EXPH5: variants seen among roughly 807,000 people sequenced by gnomAD.
EXPH5 encodes exophilin 5, also known as exophilin-5.
Under a neutral mutation model 41.1 loss-of-function variants are expected in EXPH5, and 42 were observed. The ratio of observed to expected loss-of-function variants is 1.02; its 90% CI spans 0.80 to 1.32. The LOEUF is 1.32. Ranked by LOEUF, EXPH5 falls within the 40% of genes most tolerant of loss-of-function variation. The pLI is 0.00. For synonymous variants in EXPH5, 798 were observed against 833.5 expected (o/e 0.96, Z 0.73); for missense variants, 2,298 against 2,314.5 (o/e 0.99, Z 0.15).
chr11:108,543,710 A>T (rs1160013890), intron 1 of EXPH5, among the ~76,000 whole-genome samples: 2 of 152,164 alleles, frequency 1.3e-5, no homozygotes, highest in Non-Finnish European at 2.9e-5. Context: ...TGGGGCTATG[A>T]TACTGCTATT....
intron 1 of EXPH5, among the ~76,000 whole-genome samples, chr11:108,590,528 C>A (rs1403922901): frequency 6.6e-6 from 1 of 152,168 alleles, no homozygotes; most frequent in African/African-American, 2.4e-5. Context: ...TCTATGTGTT[C>A]AGGAACTTTT....
chr11:108,595,564 A>G (rs2094137692), upstream of EXPH5, among the ~76,000 whole-genome samples: 1 of 152,214 alleles, frequency 6.6e-6, no homozygotes, highest in South Asian at 2.1e-4. Flanking sequence ...ATGTTCATGG[A>G]TTGTTAAGTG....
At chr11:108,539,773 T>G (rs977564117) in intron 2 of EXPH5, among the ~76,000 whole-genome samples, 1 of 151,826 alleles carries the variant, frequency 6.6e-6, no homozygotes, top group African/African-American at 2.4e-5. Flanking sequence ...CCAAAAAAAT[T>G]TGAGCACCAA....
At chr11:108,595,937 C>G (rs1208080667), upstream of EXPH5, among the ~76,000 whole-genome samples, 1 of 152,156 alleles carries the variant, frequency 6.6e-6, no homozygotes, top group Non-Finnish European at 1.5e-5. Flanking sequence ...CACAGTGGCT[C>G]ACATCTGTAG....
In EXPH5 at chr11:108,512,281, C is replaced by G. The variant is rs1235564701; in HGVS notation, c.3226G>C (p.Glu1076Gln). 1 of 1,613,274 alleles carries G rather than the reference C, an allele frequency of 6.2e-7. No homozygotes were observed. Among genetic ancestry groups the G allele is most frequent in the Non-Finnish European group, 8.5e-7 (1 of 1,179,818 alleles). The change falls in exon 6 of 6, where the codon GAG (glutamate) becomes CAG (glutamine). Residue 1076 changes from glutamate to glutamine, a missense_variant. Transcript: ENST00000265843. ...MLNKFSPSSP[E>Q]SANECSKVLS... ...ACTTTGGAACATTCATTCGCTGACT[C>G]AGGAGAACTGGGACTAAATTTGTTT...
chr11:108,532,941 T>A (rs1460632906), intron 3 of EXPH5, among the ~76,000 whole-genome samples: 1 of 152,230 alleles, frequency 6.6e-6, no homozygotes, highest in East Asian at 1.9e-4. Context: ...GTTTCTCTAC[T>A]TCCTTCTTGT....
In EXPH5 at chr11:108,532,358, ATATATATATTTTTTTTTTTTTTTT is replaced by A. The variant is rs1484828344; in HGVS notation, c.444-4198_444-4175del. 2.6e-4 allele frequency among the ~76,000 whole-genome samples: 5 copies of A among 19,008 alleles called. 1 individual carries two copies. Among genetic ancestry groups the A allele is most frequent in the Admixed American group, 1.5e-3 (2 of 1,318 alleles). 12.5% of individuals were successfully genotyped at this position (19,008 alleles called of 152,430 possible). On this transcript the variant is annotated intron_variant, in intron 3 of 5. Coordinates refer to ENST00000265843, the MANE Select transcript of EXPH5 (RefSeq NM_015065.3). ...ACACTGGATATATATATATATATAT[ATATATATATTTTTTTTTTTTTTTT>A]TTTTTTTTTTTTTGTAGAGATGGGG... is the stretch of plus-strand genomic sequence containing the variant.
chr11:108,529,779 G>A (rs2093825091), intron 3 of EXPH5, among the ~76,000 whole-genome samples: 1 of 151,858 alleles, frequency 6.6e-6, no homozygotes, highest in African/African-American at 2.4e-5. Flanking sequence ...GGGAGGCAGA[G>A]GTTGCAGTGA....
chr11:108,516,102 A>C (rs531427159), intron 5 of EXPH5, among the ~76,000 whole-genome samples: 221 of 151,786 alleles, frequency 1.5e-3, no homozygotes, highest in South Asian at 3.8e-3. Context: ...AGAAAAAAAA[A>C]CTCACTTTTC....
intron 1 of EXPH5, among the ~76,000 whole-genome samples, chr11:108,559,431 G>T (rs748751658): frequency 2.6e-5 from 4 of 152,200 alleles, no homozygotes; most frequent in Admixed American, 6.5e-5. Context: ...CCTCTTGCAA[G>T]TCTGGTATAC....
At chr11:108,560,325 T>TATTTCA (rs1555196971) in intron 1 of EXPH5, among the ~76,000 whole-genome samples, 5 of 152,232 alleles carry the variant, frequency 3.3e-5, no homozygotes, top group Non-Finnish European at 5.9e-5. Flanking sequence ...TTCAAAGAGT[T>TATTTCA]AACTTTTGAA....
chr11:108,580,760 A>G (rs536710194), intron 1 of EXPH5, among the ~76,000 whole-genome samples: 1 of 152,346 alleles, frequency 6.6e-6, no homozygotes, highest in African/African-American at 2.4e-5. Flanking sequence ...GGCAACATGG[A>G]TGAAACTGGA....
In EXPH5 at chr11:108,509,448, C is replaced by A. The variant is rs1271139338; in HGVS notation, c.*89G>T. 2 of 1,298,284 alleles carry A rather than the reference C, an allele frequency of 1.5e-6. No individual in the cohort carries two copies. The highest frequency in any genetic ancestry group is 1.6e-5 in the South Asian group (1 of 62,816). 80.4% of individuals were successfully genotyped at this position (1,298,284 alleles called of 1,614,324 possible). On this transcript the variant is annotated 3_prime_UTR_variant, in exon 6 of 6. Coordinates refer to ENST00000265843, the MANE Select transcript of EXPH5 (RefSeq NM_015065.3). ...AGAGCAGACACTGCCCAGACTAGAT[C>A]TTTTATCCTTCCATGCACATGCACA...
intron 3 of EXPH5, among the ~76,000 whole-genome samples, chr11:108,538,675 G>A (rs2093894665): frequency 6.6e-6 from 1 of 152,192 alleles, no homozygotes; most frequent in African/African-American, 2.4e-5. Flanking sequence ...ACTCTGCAAA[G>A]AAGGAGTAGT....
intron 1 of EXPH5, among the ~76,000 whole-genome samples, chr11:108,557,119 G>A (rs1002004394): frequency 2.0e-5 from 3 of 152,212 alleles, no homozygotes; most frequent in African/African-American, 7.2e-5. Context: ...TCTTTAGAGA[G>A]GCCCTCTGGC....
chr11:108,555,942 A>G (rs756601220), intron 1 of EXPH5, among the ~76,000 whole-genome samples: 9 of 152,194 alleles, frequency 5.9e-5, no homozygotes, highest in Non-Finnish European at 1.2e-4. Context: ...ACGGACGTAT[A>G]CAAGCCCCTA....
At chr11:108,591,784 C>T (rs940538322) in intron 1 of EXPH5, among the ~76,000 whole-genome samples, 2 of 152,070 alleles carry the variant, frequency 1.3e-5, no homozygotes, top group Non-Finnish European at 2.9e-5. Context: ...CAGTGGGCAT[C>T]GTGAGTTGCA....
intron 1 of EXPH5, among the ~76,000 whole-genome samples, chr11:108,547,048 C>T (rs1023361974): frequency 6.6e-6 from 1 of 152,044 alleles, no homozygotes; most frequent in Admixed American, 6.6e-5. Flanking sequence ...TGATCCACCT[C>T]CCTCGGCCTC....
upstream of EXPH5, among the ~76,000 whole-genome samples, chr11:108,593,905 C>G (rs2094134795): frequency 6.6e-6 from 1 of 151,888 alleles, no homozygotes; most frequent in African/African-American, 2.4e-5. Flanking sequence ...TCCCCGCCCC[C>G]TATCTGAGTT....
Sources: gnomAD v4.1 joint callset for allele counts (sites outside exome capture counted in the v4.1 genomes callset) on GRCh38, gnomAD v4.1.1 for gene constraint, MANE v1.5 for transcripts, NCBI Gene and HGNC (gene_info 2026-07-23, HGNC 2026-07-21) for gene names.